RPN1: variants seen among roughly 807,000 people sequenced by gnomAD.
RPN1 encodes ribophorin I.
Under a neutral mutation model 55.5 loss-of-function variants are expected in RPN1, and 12 were observed. The ratio of observed to expected loss-of-function variants is 0.22; its 90% CI spans 0.14 to 0.35. RPN1 has a LOEUF of 0.35. Ranked by LOEUF, RPN1 falls within the 10% of genes least tolerant of loss-of-function variation. RPN1 has a pLI of 1.00. For synonymous variants in RPN1, 317 were observed against 305.9 expected (o/e 1.04, Z -0.38); for missense variants, 679 against 761.3 (o/e 0.89, Z 1.27).
rs528755869 is a variant in RPN1, at chr3:128,638,893, G to A, written c.327-788C>T. ...AAGTGGGAGGATCACTTGAACCCGG[G>A]AGGCGGAGGTTGCAGTGAGCCAAGA... On this transcript the variant is annotated intron_variant, in intron 2 of 9. Coordinates refer to ENST00000296255, the MANE Select transcript of RPN1 (RefSeq NM_002950.4). Among the ~76,000 whole-genome samples, 53 of 151,982 alleles carry A rather than the reference G, an allele frequency of 3.5e-4. 1 individual carries two copies. Among genetic ancestry groups the A allele is most frequent in the African/African-American group, 1.3e-3 (53 of 41,468 alleles).
chr3:128,622,614 GC>G (rs1162598895), intron 8 of RPN1, among the ~76,000 whole-genome samples: 3 of 152,180 alleles, frequency 2.0e-5, no homozygotes, highest in Non-Finnish European at 4.4e-5. Context: ...GAGCAGACCA[GC>G]CGGGCCTGGT....
chr3:128,629,544 A>G (rs1462554878), intron 5 of RPN1, among the ~76,000 whole-genome samples: 1 of 152,202 alleles, frequency 6.6e-6, no homozygotes, highest in Non-Finnish European at 1.5e-5. Context: ...CTGGGTGGCA[A>G]GAGTGAGATT....
chr3:128,637,151 T>C (rs1322284825), intron 3 of RPN1, among the ~76,000 whole-genome samples: 1 of 151,968 alleles, frequency 6.6e-6, no homozygotes, highest in African/African-American at 2.4e-5. Context: ...GCTGGGAGGA[T>C]GGACTGAGCC....
rs1274359910 is a variant in RPN1 at position 128,625,891 on chromosome 3, G to C, written c.1258C>G (p.His420Asp). The C allele has an allele frequency of 6.2e-7, 1 of 1,612,866 alleles. No individual in the cohort carries two copies. The highest frequency in any genetic ancestry group is 1.3e-5 in the African/African-American group (1 of 75,018). The change falls in exon 7 of 10, where the codon CAC (histidine) becomes GAC (aspartate). Residue 420 changes from histidine to aspartate, a missense_variant. Physicochemically the swap from His to Asp is moderately conservative, Grantham distance 81. This residue lies in a region of RPN1 where 306 missense variants were observed against 360.0 expected (regional missense o/e 0.85). Coordinates refer to ENST00000296255, the MANE Select transcript of RPN1 (RefSeq NM_002950.4). Reference sequence around the variant, plus strand: ...CCACTCACCACAATGTCCTGAATGTGCTGTTCTACCAGATTTTTCTTGTAG... The same window carrying C: ...CCACTCACCACAATGTCCTGAATGTCCTGTTCTACCAGATTTTTCTTGTAG... ...VAYKKNLVEQ[H>D]IQDIVVHYTF...
intron 4 of RPN1, 120 bp downstream of exon 4, chr3:128,631,828 G>A (rs2069644172): frequency 9.8e-7 from 1 of 1,021,284 alleles, no homozygotes; most frequent in Non-Finnish European, 1.5e-6. Context: ...CAATCAACAA[G>A]ATGAACATCA....
Position 128,644,880 on chromosome 3 carries a change from C to T in RPN1, c.326+39G>A, listed in dbSNP as rs548325840. 4 of 1,135,790 alleles carry T rather than the reference C, an allele frequency of 3.5e-6. No homozygotes were observed. In the Admixed American group the frequency reaches 5.1e-5, roughly 15 times the overall value. The allele number at this position is 1,135,790 out of a possible 1,614,324, so 70.4% of individuals were successfully genotyped here. A position where few individuals can be genotyped will look rare whatever the true frequency, so the allele number is the denominator to read the frequency against. On this transcript the variant is annotated intron_variant, in intron 2 of 9. Transcript: ENST00000296255. ...CCATATGATCCCAACCCTGACATAA[C>T]CTTTAACAAGAGACAAGGTATATTG...
intron 2 of RPN1, 128 bp from the exon 3 acceptor site, chr3:128,638,233 CCT>C (rs1158372559): frequency 1.3e-5 from 9 of 670,784 alleles, no homozygotes; most frequent in Non-Finnish European, 2.3e-5. Context: ...ATCACCTTTT[CCT>C]TTTTGAGATG....
chr3:128,638,949 G>C (rs1051092980), intron 2 of RPN1, among the ~76,000 whole-genome samples: 146 of 151,712 alleles, frequency 9.6e-4, no homozygotes, highest in African/African-American at 3.4e-3. Flanking sequence ...CTGGGTGACA[G>C]AGAGAGACTC....
chr3:128,624,755 G>A (rs185221632), intron 8 of RPN1, among the ~76,000 whole-genome samples: 56 of 151,814 alleles, frequency 3.7e-4, no homozygotes, highest in Non-Finnish European at 5.9e-4. Flanking sequence ...AGAATCGCTC[G>A]AACCCGGGAG....
intron 2 of RPN1, among the ~76,000 whole-genome samples, chr3:128,638,980 T>A (rs955280635): frequency 2.6e-5 from 4 of 151,436 alleles, no homozygotes; most frequent in African/African-American, 9.7e-5. Flanking sequence ...AAAAAAATTT[T>A]AATAGAACCA....
intron 8 of RPN1, among the ~76,000 whole-genome samples, chr3:128,623,015 T>A (rs1045557688): frequency 6.6e-6 from 1 of 152,148 alleles, no homozygotes; most frequent in African/African-American, 2.4e-5. Flanking sequence ...ACAGCAGTCT[T>A]GCCCATTTAA....
At chr3:128,644,701 G>C in intron 2 of RPN1, 1 of 651,876 alleles carries the variant, frequency 1.5e-6, no homozygotes, top group East Asian at 2.9e-5. Context: ...GTTCACACCT[G>C]TAATCCCAGC....
intron 3 of RPN1, among the ~76,000 whole-genome samples, chr3:128,636,410 G>C (rs2069682340): frequency 6.6e-6 from 1 of 151,412 alleles, no homozygotes; most frequent in African/African-American, 2.4e-5. Context: ...GCGGTTAGCT[G>C]AGATCGCCCC....
At chr3:128,644,711 C>A (rs1293596289) in intron 2 of RPN1, 11 of 653,168 alleles carry the variant, frequency 1.7e-5, no homozygotes, top group African/African-American at 9.2e-5. Context: ...GTAATCCCAG[C>A]ACTTTGAGAG....
At chr3:128,641,979 A>C (rs1040807283) in intron 2 of RPN1, among the ~76,000 whole-genome samples, 2 of 152,174 alleles carry the variant, frequency 1.3e-5, no homozygotes, top group African/African-American at 4.8e-5. Context: ...GAAACTGAGG[A>C]AAATGCTAGT....
rs1385233540 is a variant in RPN1, at chr3:128,650,636, C to G, written c.165G>C (p.Leu55=). ...ACGTGGAGCCGCCGCCCAGGTGCGC[C>G]AGGACCACCTCGGCCGTCACCTTAG... ...HLAKVTAEVV[L]AHLGGGSTSR... Residue 55 remains leucine, a synonymous_variant, in exon 1 of 10, where the codon CTG becomes CTC. Transcript: ENST00000296255. 1 of 1,556,386 alleles carries G rather than the reference C, an allele frequency of 6.4e-7. No individual in the cohort carries two copies. Among genetic ancestry groups the G allele is most frequent in the South Asian group, 1.2e-5 (1 of 84,514 alleles).
chr3:128,630,923 C>T (rs2069636525), intron 4 of RPN1, among the ~76,000 whole-genome samples: 1 of 146,910 alleles, frequency 6.8e-6, no homozygotes, highest in Admixed American at 6.9e-5. Flanking sequence ...ACCATCCTGG[C>T]TAACATGGTG....
rs561693322 is a variant in RPN1, at chr3:128,628,117, C to T, written c.1037-1285G>A. On this transcript the variant is annotated intron_variant, in intron 5 of 9. Transcript: ENST00000296255. ...TACTAAAAATAAAAAATTAGCTGGG[C>T]GTAGTGGTGCATGCCTGTAGTCCCA... 1.9e-4 allele frequency among the ~76,000 whole-genome samples: 29 copies of T among 151,698 alleles called. No individual in the cohort carries two copies. In the East Asian group the frequency reaches 4.9e-3, roughly 26 times the overall value.
At chr3:128,621,208 G>A (rs1170627451) in intron 9 of RPN1, among the ~76,000 whole-genome samples, 1 of 152,166 alleles carries the variant, frequency 6.6e-6, no homozygotes, top group Non-Finnish European at 1.5e-5. Context: ...AGAATAAATC[G>A]TTTCAGAAAG....
Sources: gnomAD v4.1 joint callset for allele counts (sites outside exome capture counted in the v4.1 genomes callset) on GRCh38, gnomAD v4.1.1 for gene constraint, gnomAD v4.1.1 regional missense constraint, MANE v1.5 for transcripts, NCBI Gene and HGNC (gene_info 2026-07-23, HGNC 2026-07-21) for gene names.